ZBBX: variants seen among roughly 807,000 people sequenced by gnomAD.
The protein encoded by ZBBX is zinc finger B-box domain containing, also known as zinc finger B-box domain-containing protein 1.
A neutral mutation model predicts 108.5 loss-of-function variants in ZBBX; 101 were observed. The observed-to-expected ratio is 0.93, with a 90% CI of 0.79 to 1.10. The LOEUF is 1.10. ZBBX is among the 50% of genes least tolerant of loss of function. The pLI is 0.00. For synonymous variants in ZBBX, 356 were observed against 323.4 expected, an observed-to-expected ratio of 1.10 and a Z score of -1.08; for missense variants, 1,009 against 941.4, an observed-to-expected ratio of 1.07 and a Z score of -0.94.
At chr3:167,279,905 T>C (rs367816282) in intron 20 of ZBBX, among the ~76,000 whole-genome samples, 7 of 151,542 alleles carry the variant, frequency 4.6e-5, no homozygotes, top group African/African-American at 1.7e-4. Flanking sequence ...CAGAGATATA[T>C]ATCAATGGAA....
the ZBBX span, among the ~76,000 whole-genome samples, chr3:167,232,071 CAAA>C: frequency 6.6e-6 from 1 of 151,656 alleles, no homozygotes; most frequent in Non-Finnish European, 1.5e-5. Flanking sequence ...TCCATTTACT[CAAA>C]GAAGTCTCAG....
At chr3:167,333,735 G>A in intron 10 of ZBBX, 92 bp downstream of exon 10, 1 of 1,093,880 alleles carries the variant, frequency 9.1e-7, no homozygotes, top group Admixed American at 2.7e-5. Flanking sequence ...TGAAATTATT[G>A]GTGAAATTCT....
chr3:167,321,930 T>C (rs1398660633), intron 12 of ZBBX, among the ~76,000 whole-genome samples, 187 bp downstream of exon 12: 6 of 151,956 alleles, frequency 3.9e-5, no homozygotes, highest in Non-Finnish European at 8.8e-5. Context: ...TAATGATGCA[T>C]CATATACATA....
chr3:167,239,992 A>G lies in ZBBX; in HGVS notation c.*801T>C, dbSNP rs140486716. On this transcript the variant is annotated 3_prime_UTR_variant, in exon 22 of 22. Transcript: ENST00000675490. ...TGAGCAAAAGGGGGGACAGCCCCTTATAAAACCATCAGATCACATGAGAAC... is the reference window on the plus strand; with the variant it reads ...TGAGCAAAAGGGGGGACAGCCCCTTGTAAAACCATCAGATCACATGAGAAC... Among the ~76,000 whole-genome samples, 1 of 152,274 alleles carries G rather than the reference A, an allele frequency of 6.6e-6. No homozygotes were observed. Among genetic ancestry groups the G allele is most frequent in the East Asian group, 1.9e-4 (1 of 5,160 alleles).
chr3:167,188,365 TAGAC>T, the ZBBX span, among the ~76,000 whole-genome samples: 229 of 152,284 alleles, frequency 1.5e-3, 1 homozygote, highest in East Asian at 7.1e-3. Context: ...AGATGACACT[TAGAC>T]AGATTGTGTA....
At chr3:167,190,377 C>CTT in the ZBBX span, among the ~76,000 whole-genome samples, 58 of 113,652 alleles carry the variant, frequency 5.1e-4, no homozygotes, top group Non-Finnish European at 7.0e-4. Flanking sequence ...AACTTACCTA[C>CTT]TTTTTTTTTT....
chr3:167,242,794 G>A (rs1276376004), intron 20 of ZBBX, 151 bp from the exon 21 acceptor site: 4 of 733,760 alleles, frequency 5.5e-6, no homozygotes, highest in Non-Finnish European at 7.9e-6. Context: ...TCTAATGTTT[G>A]TGAGGTAAGT....
intron 20 of ZBBX, among the ~76,000 whole-genome samples, chr3:167,272,179 G>C (rs577876659): frequency 7.2e-5 from 11 of 152,254 alleles, no homozygotes; most frequent in African/African-American, 1.7e-4. Flanking sequence ...ACCTCAGAAG[G>C]ATATAGGCCT....
At chr3:167,280,678 T>C (rs1457618773) in intron 20 of ZBBX, among the ~76,000 whole-genome samples, 5 of 150,824 alleles carry the variant, frequency 3.3e-5, no homozygotes, top group Admixed American at 3.3e-4. Context: ...AGTTCAACCA[T>C]TGTGGAAGTC....
At chr3:167,222,741 A>G in the ZBBX span, among the ~76,000 whole-genome samples, 1 of 151,988 alleles carries the variant, frequency 6.6e-6, no homozygotes, top group African/African-American at 2.4e-5. Flanking sequence ...AATAAAAATG[A>G]AACATAAAAA....
intron 19 of ZBBX, chr3:167,282,715 C>T: frequency 2.3e-6 from 1 of 442,112 alleles, no homozygotes; most frequent in Non-Finnish European, 4.0e-6. Flanking sequence ...TATTTTTTTC[C>T]TAATTTTCCT....
At chr3:167,317,628 C>T (rs1735681943) in intron 12 of ZBBX, 31 bp from the exon 13 acceptor site, 3 of 1,475,942 alleles carry the variant, frequency 2.0e-6, no homozygotes, top group Admixed American at 3.8e-5. Flanking sequence ...AATTAAGAGA[C>T]TGAAATATAT....
chr3:167,352,656 C>A lies in ZBBX; in HGVS notation c.433-2141G>T, dbSNP rs534318152. Among the ~76,000 whole-genome samples the A allele has an allele frequency of 2.1e-3, 323 of 151,784 alleles. 8 individuals carry two copies. Among genetic ancestry groups the A allele is most frequent in the Non-Finnish European group, 2.4e-3 (164 of 67,920 alleles). On this transcript the variant is annotated intron_variant, in intron 8 of 21. Transcript: ENST00000675490. ...AGCCAGGGTAACCCTGCTACCAAAG[C>A]CAGGCAAGGACACAATAAAACTTAA...
At chr3:167,365,240 G>A (rs7642707) in intron 6 of ZBBX, among the ~76,000 whole-genome samples, 16,245 of 151,638 alleles carry the variant, frequency 0.11, 884 homozygotes, top group African/African-American at 0.15. Context: ...TGATAGGTAC[G>A]TAAAAAATAA....
At chr3:167,206,025 G>A in the ZBBX span, among the ~76,000 whole-genome samples, 1 of 151,930 alleles carries the variant, frequency 6.6e-6, no homozygotes, top group East Asian at 1.9e-4. Flanking sequence ...GCTCTCTTAG[G>A]AAATTTCCAG....
the ZBBX span, among the ~76,000 whole-genome samples, chr3:167,184,223 A>T: frequency 6.6e-6 from 1 of 152,214 alleles, no homozygotes; most frequent in Non-Finnish European, 1.5e-5. Context: ...TTTCAAATTC[A>T]TTATGCCAAG....
At chr3:167,291,807 A>T (rs1322772922) in intron 18 of ZBBX, among the ~76,000 whole-genome samples, 1 of 152,188 alleles carries the variant, frequency 6.6e-6, no homozygotes, top group Non-Finnish European at 1.5e-5. Flanking sequence ...TATTCAGGAG[A>T]CCCATCTCAC....
In ZBBX at chr3:167,327,132, A is replaced by G. The variant is rs577541850; in HGVS notation, c.862+810T>C. On this transcript the variant is annotated intron_variant, in intron 11 of 21. Coordinates refer to ENST00000675490, the MANE Select transcript of ZBBX (RefSeq NM_001199201.2). ...CATCAATGTCTAGAATGTAGGAGCG[A>G]AATTATAAAAAAAAAAAAAAGAACG... 1.2e-3 allele frequency among the ~76,000 whole-genome samples: 185 copies of G among 151,014 alleles called. 2 individuals are homozygous for G. Among genetic ancestry groups the G allele is most frequent in the Non-Finnish European group, 2.1e-3 (144 of 67,688 alleles).
chr3:167,238,913 T>A (rs766080988), downstream of ZBBX, among the ~76,000 whole-genome samples: 3 of 152,144 alleles, frequency 2.0e-5, no homozygotes, highest in Non-Finnish European at 4.4e-5. Context: ...TCAAACTGGC[T>A]GTATTGGGTT....
Sources: allele counts gnomAD v4.1 joint callset (sites outside exome capture counted in the v4.1 genomes callset), GRCh38; gene constraint gnomAD v4.1.1; transcripts MANE v1.5; gene names NCBI Gene and HGNC (gene_info 2026-07-23, HGNC 2026-07-21).